The following TNS1 variants were observed in gnomAD, a reference collection of about 807,000 sequenced individuals.
TNS1 encodes tensin 1, also known as tensin-1.
TNS1 carries 62 observed loss-of-function variants against 168.6 expected under a neutral mutation model. That is an observed-to-expected ratio of 0.37 (90% CI 0.30 to 0.45). The LOEUF (loss-of-function observed/expected upper bound fraction) is 0.45, where lower values mean the gene tolerates loss of function less well. TNS1 is among the 20% of genes least tolerant of loss of function. The probability of loss-of-function intolerance (pLI) is 1.00; values close to 1 mark genes in which losing one functional copy is unlikely to be tolerated. For missense variants in TNS1, 2,240 were observed against 2,339.4 expected, an observed-to-expected ratio of 0.96 and a Z score of 0.88; for synonymous variants, 934 against 933.2, an observed-to-expected ratio of 1.00 and a Z score of -0.02.
intron 32 of TNS1, among the ~76,000 whole-genome samples, chr2:217,807,621 G>A (rs1939417963): frequency 6.6e-6 from 1 of 152,146 alleles, no homozygotes; most frequent in Admixed American, 6.5e-5. Flanking sequence ...AGGTCCCAGG[G>A]CCATCCCCAG....
At chr2:217,963,529 C>T (rs1957550184) in intron 3 of TNS1, among the ~76,000 whole-genome samples, 2 of 152,112 alleles carry the variant, frequency 1.3e-5, no homozygotes, top group Admixed American at 1.3e-4. Context: ...GAGAAAATGG[C>T]CCAAGGCTAC....
chr2:217,817,589 G>T lies in TNS1; in HGVS notation c.4642+101C>A, dbSNP rs958490644. 1.3e-5 allele frequency: 13 copies of T among 1,029,516 alleles called. No individual in the cohort carries two copies. In the African/African-American group the frequency reaches 1.6e-4, roughly 13 times the overall value. The allele number at this position is 1,029,516 out of a possible 1,614,324, so 63.8% of individuals were successfully genotyped here. A position where few individuals can be genotyped will look rare whatever the true frequency, so the allele number is the denominator to read the frequency against. ...AGAAGTCAGTGATTCACCCAGGGTC[G>T]TCTGCCAAGAGAATGTCAGAATAGA... On this transcript the variant is annotated intron_variant, in intron 24 of 32. Coordinates refer to ENST00000682258, the MANE Select transcript of TNS1 (RefSeq NM_001387777.1).
intron 18 of TNS1, among the ~76,000 whole-genome samples, chr2:217,855,697 G>A (rs964569094): frequency 6.6e-6 from 1 of 152,194 alleles, no homozygotes; most frequent in Admixed American, 6.5e-5. Context: ...CTAGAGAAGA[G>A]TGCTTGTTCC....
chr2:217,895,161 T>C (rs1952154937), intron 8 of TNS1, 105 bp from the exon 9 acceptor site: 5 of 1,155,490 alleles, frequency 4.3e-6, no homozygotes, highest in South Asian at 4.0e-5. Flanking sequence ...CGTGGCATCA[T>C]TGCCAACTTC....
At chr2:218,028,026 T>C (rs10191568) in intron 1 of TNS1, among the ~76,000 whole-genome samples, 47,339 of 152,160 alleles carry the variant, frequency 0.31, 11,326 homozygotes, top group African/African-American at 0.67. Flanking sequence ...AGGATGCTGG[T>C]AGGAAGGCCC....
At chr2:217,928,653 C>T (rs976860582) in intron 3 of TNS1, among the ~76,000 whole-genome samples, 16 of 152,090 alleles carry the variant, frequency 1.1e-4, no homozygotes, top group African/African-American at 3.4e-4. Flanking sequence ...ACAGGGGAGT[C>T]CCAGAGGGCT....
At chr2:217,891,069 A>C (rs1951695332) in intron 11 of TNS1, 24 bp from the exon 12 acceptor site, 18 of 1,613,426 alleles carry the variant, frequency 1.1e-5, no homozygotes, top group Non-Finnish European at 1.5e-5. Flanking sequence ...CAGGTGGTCA[A>C]AAGAGGCAAC....
intron 3 of TNS1, among the ~76,000 whole-genome samples, chr2:217,963,189 C>A (rs1957541749): frequency 6.6e-6 from 1 of 152,080 alleles, no homozygotes; most frequent in African/African-American, 2.4e-5. Flanking sequence ...CCCGAGATAC[C>A]TCCAGGAATC....
intron 1 of TNS1, among the ~76,000 whole-genome samples, chr2:217,993,189 A>G (rs1012750605): frequency 6.6e-6 from 1 of 152,232 alleles, no homozygotes; most frequent in Non-Finnish European, 1.5e-5. Context: ...TAGTGCTTGC[A>G]CAATGACAAA....
chr2:217,982,973 C>A (rs984464183), intron 2 of TNS1, among the ~76,000 whole-genome samples: 39 of 152,218 alleles, frequency 2.6e-4, no homozygotes, highest in African/African-American at 8.2e-4. Context: ...TGTAACAGCC[C>A]GACTAAGACA....
rs1937425201 is a variant in TNS1 at position 217,801,132 on chromosome 2, T to C, written c.*3327A>G. ...TACTGGAGGAGACGCTCAGATGACA[T>C]GGGTCAAAGGCCTTTCCCAAACTTA... On this transcript the variant is annotated 3_prime_UTR_variant, in exon 33 of 33. Transcript: ENST00000682258. The C allele has an allele frequency of 6.6e-6, 1 of 152,222 alleles. No individual in the cohort carries two copies. Among genetic ancestry groups the C allele is most frequent in the Admixed American group, 6.5e-5 (1 of 15,278 alleles). The allele number at this position is 152,222 out of a possible 1,614,324, so 9.4% of individuals were successfully genotyped here.
chr2:217,998,777 G>T (rs1471585562), intron 1 of TNS1, among the ~76,000 whole-genome samples: 1 of 152,206 alleles, frequency 6.6e-6, no homozygotes, highest in East Asian at 1.9e-4. Flanking sequence ...TGGGATCACA[G>T]GTGTGACCAC....
At chr2:217,946,782 A>G (rs1957116554) in intron 3 of TNS1, among the ~76,000 whole-genome samples, 1 of 151,992 alleles carries the variant, frequency 6.6e-6, no homozygotes, top group African/African-American at 2.4e-5. Flanking sequence ...CTGGGTATAG[A>G]ACTATAAACC....
Position 217,800,050 on chromosome 2 carries a change from G to A in TNS1, c.*4409C>T, listed in dbSNP as rs1937246861. 1 of 152,264 alleles carries A rather than the reference G, an allele frequency of 6.6e-6. No individual in the cohort carries two copies. Among genetic ancestry groups the A allele is most frequent in the African/African-American group, 2.4e-5 (1 of 41,454 alleles). 9.4% of individuals were successfully genotyped at this position (152,264 alleles called of 1,614,324 possible). On this transcript the variant is annotated 3_prime_UTR_variant, in exon 33 of 33. Transcript: ENST00000682258. ...TGTTTCCCCCGCAGAGGGCCTGGGA[G>A]GCAGGGAGGGTGGTGGGAAGGGATT...
At chr2:217,810,015 G>C in intron 29 of TNS1, 24 bp from the exon 30 acceptor site, 1 of 1,606,960 alleles carries the variant, frequency 6.2e-7, no homozygotes, top group Non-Finnish European at 8.5e-7. Context: ...ACCCAAGGGG[G>C]AGTCATGGGA....
At chr2:217,843,053 A>G (rs189283342) in intron 19 of TNS1, among the ~76,000 whole-genome samples, 139 of 152,296 alleles carry the variant, frequency 9.1e-4, no homozygotes, top group African/African-American at 3.2e-3. Context: ...TAGACTGGCA[A>G]GCAGCACCCA....
chr2:218,013,204 C>T (rs1227515737), upstream of TNS1, among the ~76,000 whole-genome samples: 3 of 151,262 alleles, frequency 2.0e-5, no homozygotes, highest in African/African-American at 7.3e-5. Flanking sequence ...TGCAGTGAGC[C>T]GAGATTGCGC....
At chr2:217,953,605 A>G (rs1008634592) in intron 3 of TNS1, among the ~76,000 whole-genome samples, 6 of 152,004 alleles carry the variant, frequency 3.9e-5, no homozygotes, top group Non-Finnish European at 8.8e-5. Flanking sequence ...TGGCAGTTCC[A>G]CTTGCCTTTG....
upstream of TNS1, among the ~76,000 whole-genome samples, chr2:218,005,446 G>T (rs373054286): frequency 1.2e-3 from 177 of 152,284 alleles, 1 homozygote; most frequent in African/African-American, 3.9e-3. Flanking sequence ...AAGCCTATGG[G>T]GTCTCTCCTG....
Sources: allele counts gnomAD v4.1 joint callset (sites outside exome capture counted in the v4.1 genomes callset), GRCh38; gene constraint gnomAD v4.1.1; transcripts MANE v1.5; gene names NCBI Gene and HGNC (gene_info 2026-07-23, HGNC 2026-07-21).